The following PCDHA3 variants were observed in gnomAD, a reference collection of about 807,000 sequenced individuals.
PCDHA3 encodes protocadherin alpha-3.
In PCDHA3, 41 loss-of-function variants were observed where a neutral mutation model predicts 62.2. The ratio of observed to expected loss-of-function variants is 0.66; its 90% CI spans 0.51 to 0.86. The LOEUF is 0.86. PCDHA3 is among the 40% of genes least tolerant of loss of function. PCDHA3 has a pLI of 0.00. For missense variants in PCDHA3, 1,304 were observed against 1,241.2 expected (o/e 1.05, Z -0.76); for synonymous variants, 640 against 555.4 (o/e 1.15, Z -2.14).
At chr5:140,834,038 C>T (rs1580771063) in intron 1 of PCDHA3, among the ~76,000 whole-genome samples, 1 of 152,160 alleles carries the variant, frequency 6.6e-6, no homozygotes, top group Admixed American at 6.6e-5. Context: ...CCATCAGTCG[C>T]CTAAGAATGC....
Position 140,843,320 on chromosome 5 carries a change from G to T in PCDHA3, c.2394+39729G>T, listed in dbSNP as rs2150357378. ...GCTGACCGCCACGGCCACGGTTCTGGTGTCGCTGGTGGAGAGCGGCCAGGC... is the reference window on the plus strand; with the variant it reads ...GCTGACCGCCACGGCCACGGTTCTGTTGTCGCTGGTGGAGAGCGGCCAGGC... On this transcript the variant is annotated intron_variant, in intron 1 of 3. Coordinates refer to ENST00000522353, the MANE Select transcript of PCDHA3 (RefSeq NM_018906.3). 2.5e-6 allele frequency: 4 copies of T among 1,596,056 alleles called. No individual in the cohort carries two copies. The South Asian group carries it at 4.4e-5, about 18-fold the overall frequency.
chr5:140,845,764 A>C lies in PCDHA3; in HGVS notation c.2394+42173A>C, dbSNP rs2150380946. 2.6e-4 allele frequency among the ~76,000 whole-genome samples: 39 copies of C among 149,790 alleles called. 2 individuals carry two copies. Among genetic ancestry groups the C allele is most frequent in the African/African-American group, 9.3e-4 (38 of 40,978 alleles). ...TAGATTTATTTGTATCAAGTAAGTT[A>C]ATAGTTATAAATTATTAATAATAAA... On this transcript the variant is annotated intron_variant, in intron 1 of 3. Transcript: ENST00000522353.
At chr5:140,924,572 A>G (rs1345446158) in intron 1 of PCDHA3, among the ~76,000 whole-genome samples, 1 of 152,132 alleles carries the variant, frequency 6.6e-6, no homozygotes, top group African/African-American at 2.4e-5. Flanking sequence ...CAATTTTTAA[A>G]TGTTTTCAAA....
chr5:140,993,282 C>G lies in PCDHA3; in HGVS notation c.2542+10719C>G, dbSNP rs183298575. On this transcript the variant is annotated intron_variant, in intron 3 of 3. Transcript: ENST00000522353. Reference sequence around the variant, plus strand: ...ATTAGCTTCTTTGGTCTTTTCTTGCCCAGGGTCACAACCTTGCCTCCAGGA... The same window carrying G: ...ATTAGCTTCTTTGGTCTTTTCTTGCGCAGGGTCACAACCTTGCCTCCAGGA... Among the ~76,000 whole-genome samples, 618 of 151,922 alleles carry G rather than the reference C, an allele frequency of 4.1e-3. 6 individuals are homozygous for G. Among genetic ancestry groups the G allele is most frequent in the Non-Finnish European group, 5.9e-3 (399 of 67,976 alleles).
chr5:140,980,857 T>C (rs2153822974), intron 2 of PCDHA3, among the ~76,000 whole-genome samples: 1 of 152,334 alleles, frequency 6.6e-6, no homozygotes. Flanking sequence ...ATCTTTTTCG[T>C]ATGTGTGCTT....
chr5:141,000,173 C>T (rs2097895007), intron 3 of PCDHA3, among the ~76,000 whole-genome samples: 1 of 151,968 alleles, frequency 6.6e-6, no homozygotes, highest in Non-Finnish European at 1.5e-5. Flanking sequence ...ATTATTGAGC[C>T]AAGGAGTCAA....
Sources: allele counts gnomAD v4.1 joint callset (sites outside exome capture counted in the v4.1 genomes callset), GRCh38; gene constraint gnomAD v4.1.1; transcripts MANE v1.5; gene names NCBI Gene and HGNC (gene_info 2026-07-23, HGNC 2026-07-21).